Variants in NF1 observed in about 807,000 individuals in gnomAD.
NF1 encodes the protein neurofibromin 1.
A neutral mutation model predicts 325.7 loss-of-function variants in NF1; 122 were observed. That is an observed-to-expected ratio of 0.37 (90% CI 0.32 to 0.44). NF1 has a LOEUF of 0.44. NF1 is among the 20% of genes least tolerant of loss of function. NF1 has a pLI of 1.00. For synonymous variants in NF1, 1,091 were observed against 1,186.0 expected, an observed-to-expected ratio of 0.92 and a Z score of 1.65; for missense variants, 2,140 against 3,415.4, an observed-to-expected ratio of 0.63 and a Z score of 9.31.
At chr17:31,260,334 G>C (rs376442028) in intron 33 of NF1, 35 bp from the exon 34 acceptor site, 1 of 1,606,996 alleles carries the variant, frequency 6.2e-7, no homozygotes, top group Non-Finnish European at 8.5e-7. Context: ...GGTGTATCTG[G>C]TGTTGAAAAT....
At chr17:31,198,602 C>T (rs2066473401) in intron 8 of NF1, among the ~76,000 whole-genome samples, 1 of 151,026 alleles carries the variant, frequency 6.6e-6, no homozygotes, top group Non-Finnish European at 1.5e-5. Context: ...GTAGTGTCAC[C>T]ACTTTTTTTG....
intron 5 of NF1, among the ~76,000 whole-genome samples, chr17:31,173,132 A>G (rs904683364): frequency 4.6e-5 from 7 of 151,476 alleles, no homozygotes; most frequent in African/African-American, 1.5e-4. Flanking sequence ...AATACAAAAA[A>G]TGGGCTGGGC....
intron 39 of NF1, among the ~76,000 whole-genome samples, chr17:31,332,187 C>G (rs1363579693): frequency 6.6e-6 from 1 of 151,182 alleles, no homozygotes; most frequent in African/African-American, 2.4e-5. Flanking sequence ...CTTAATCGGC[C>G]AGACGCGGTG....
At chr17:31,223,654 G>A (rs2066965505) in intron 16 of NF1, 87 bp downstream of exon 16, 3 of 1,343,728 alleles carry the variant, frequency 2.2e-6, no homozygotes, top group Non-Finnish European at 2.1e-6. Context: ...AGCCAAATTA[G>A]GTTCTATTTC....
chr17:31,196,357 A>G (rs2066433759), intron 8 of NF1, among the ~76,000 whole-genome samples: 1 of 152,040 alleles, frequency 6.6e-6, no homozygotes. Flanking sequence ...TTTTAAAAAA[A>G]CTGTAAAGTA....
chr17:31,146,981 CAG>C (rs1567810358), intron 1 of NF1, among the ~76,000 whole-genome samples: 2 of 152,232 alleles, frequency 1.3e-5, no homozygotes, highest in Non-Finnish European at 2.9e-5. Context: ...GGTAGCACCT[CAG>C]TGTCTACCAC....
At chr17:31,153,854 T>C (rs921886936) in intron 1 of NF1, among the ~76,000 whole-genome samples, 1 of 151,708 alleles carries the variant, frequency 6.6e-6, no homozygotes, top group Non-Finnish European at 1.5e-5. Flanking sequence ...ACTCAAGCAG[T>C]CCTCCTGCCT....
chr17:31,279,569 AAGG>A (rs936600325), intron 36 of NF1, among the ~76,000 whole-genome samples: 3 of 151,998 alleles, frequency 2.0e-5, no homozygotes, highest in African/African-American at 7.3e-5. Flanking sequence ...CTGGGCAACA[AAGG>A]AGAATTCCAG....
chr17:31,108,642 C>G (rs890500518), intron 1 of NF1, among the ~76,000 whole-genome samples: 2 of 152,104 alleles, frequency 1.3e-5, no homozygotes, highest in African/African-American at 4.8e-5. Context: ...TTATTTCATC[C>G]GTATTCCTAC....
intron 36 of NF1, among the ~76,000 whole-genome samples, chr17:31,308,161 A>G (rs2068775378): frequency 6.7e-6 from 1 of 150,052 alleles, no homozygotes; most frequent in South Asian, 2.1e-4. Context: ...TTTTTTGGAG[A>G]CAGAGTCGTT....
rs919988954 is a variant in NF1 at position 31,104,020 on chromosome 17, A to AT, written c.60+8662dup. Among the ~76,000 whole-genome samples, 13 of 149,430 alleles carry AT rather than the reference A, an allele frequency of 8.7e-5. No homozygotes were observed. In the South Asian group the frequency reaches 2.1e-3, roughly 24 times the overall value. ...TGGGTGAGACCCTGTCTCAAAAAAA[A>AT]TTTTTTTTTTTAATATGGAGAAAGT... is the stretch of plus-strand genomic sequence containing the variant. On this transcript the variant is annotated intron_variant, in intron 1 of 57. Transcript: ENST00000358273.
At chr17:31,206,467 A>G (rs1183767298) in intron 12 of NF1, 96 bp downstream of exon 12, 1 of 1,387,338 alleles carries the variant, frequency 7.2e-7, no homozygotes, top group Non-Finnish European at 1.0e-6. Flanking sequence ...ATTTTAGAGA[A>G]TTGAATGGGT....
At chr17:31,350,381 G>A in intron 50 of NF1, 63 bp downstream of exon 50, 1 of 1,431,818 alleles carries the variant, frequency 7.0e-7, no homozygotes. Flanking sequence ...TCCAACTAAT[G>A]GAGGCAAGCA....
At chr17:31,274,231 C>T (rs572923802) in intron 36 of NF1, among the ~76,000 whole-genome samples, 1 of 152,212 alleles carries the variant, frequency 6.6e-6, no homozygotes, top group Admixed American at 6.5e-5. Context: ...TTAAACCAGT[C>T]ACCTTGAAGT....
At chr17:31,270,214 G>A (rs2067866411) in intron 36 of NF1, among the ~76,000 whole-genome samples, 1 of 152,200 alleles carries the variant, frequency 6.6e-6, no homozygotes, top group African/African-American at 2.4e-5. Context: ...AAGTGTGATT[G>A]GAGGAGATAG....
At chr17:31,198,577 A>G (rs954741493) in intron 8 of NF1, among the ~76,000 whole-genome samples, 1 of 148,750 alleles carries the variant, frequency 6.7e-6, no homozygotes, top group Non-Finnish European at 1.5e-5. Context: ...AATTCTTTTT[A>G]TTTTTGCAAA....
rs1333741084 is a variant in NF1, at chr17:31,350,196, G to A, written c.7335G>A (p.Val2445=). ...SVAYLAALLT[V]SEEVRSRCSL... Reference sequence around the variant, plus strand: ...TTTTCCTTTTAGCTTTACTTACAGTGTCTGAAGAAGTTCGAAGTCGCTGCA... The same window carrying A: ...TTTTCCTTTTAGCTTTACTTACAGTATCTGAAGAAGTTCGAAGTCGCTGCA... The change falls in exon 50 of 58, where the codon GTG becomes GTA. Residue 2445 remains valine (V), a synonymous_variant. Transcript: ENST00000358273. 3.7e-6 allele frequency: 6 copies of A among 1,613,848 alleles called. No individual in the cohort carries two copies. The East Asian group carries it at 1.1e-4, about 30-fold the overall frequency.
intron 1 of NF1, 64 bp from the exon 2 acceptor site, chr17:31,155,919 A>C: frequency 6.4e-7 from 1 of 1,558,230 alleles, no homozygotes; most frequent in Non-Finnish European, 8.7e-7. Context: ...AATGGCAAGT[A>C]AGTTATTTAT....
intron 1 of NF1, among the ~76,000 whole-genome samples, chr17:31,150,173 C>T (rs777022658): frequency 1.3e-5 from 2 of 152,098 alleles, no homozygotes; most frequent in African/African-American, 2.4e-5. Context: ...TTTTACTCAC[C>T]GTGATCATCC....
Sources: gnomAD v4.1 joint callset for allele counts (sites outside exome capture counted in the v4.1 genomes callset) on GRCh38, gnomAD v4.1.1 for gene constraint, MANE v1.5 for transcripts, NCBI Gene and HGNC (gene_info 2026-07-23, HGNC 2026-07-21) for gene names.